Variants in PCDHGA2 observed in about 807,000 individuals in gnomAD.
PCDHGA2 encodes protocadherin gamma subfamily A, 2.
Under a neutral mutation model 59.2 loss-of-function variants are expected in PCDHGA2, and 40 were observed. That is an observed-to-expected ratio of 0.68 (90% confidence interval 0.52 to 0.88). PCDHGA2 has a LOEUF of 0.88. PCDHGA2 is among the 40% of genes least tolerant of loss of function. The pLI, the probability that PCDHGA2 is intolerant of heterozygous loss-of-function variation, is 0.00. For synonymous variants in PCDHGA2, 560 were observed against 526.0 expected (o/e 1.06, Z -0.89); for missense variants, 1,226 against 1,204.0 (o/e 1.02, Z -0.27).
intron 1 of PCDHGA2, among the ~76,000 whole-genome samples, chr5:141,401,018 G>C (rs2094104038): frequency 6.6e-6 from 1 of 152,108 alleles, no homozygotes; most frequent in Admixed American, 6.5e-5. Flanking sequence ...ATGGATTTAT[G>C]ATTTTTTGAA....
intron 1 of PCDHGA2, chr5:141,389,522 G>T (rs983186726): frequency 5.0e-6 from 8 of 1,613,060 alleles, no homozygotes; most frequent in Middle Eastern, 3.3e-4. Flanking sequence ...ACGTGAGCCT[G>T]CGCGTGTTAG....
intron 1 of PCDHGA2, among the ~76,000 whole-genome samples, chr5:141,469,492 T>C (rs1233507221): frequency 6.6e-6 from 1 of 152,038 alleles, no homozygotes; most frequent in Non-Finnish European, 1.5e-5. Flanking sequence ...GGAGAATCGC[T>C]TGAACCCGGG....
intron 1 of PCDHGA2, among the ~76,000 whole-genome samples, chr5:141,443,035 CTT>C (rs2098359592): frequency 6.6e-6 from 1 of 152,208 alleles, no homozygotes; most frequent in African/African-American, 2.4e-5. Context: ...CAGACCTAAA[CTT>C]TGAAAATTAT....
chr5:141,340,937 G>T lies in PCDHGA2; in HGVS notation c.1966G>T (p.Ala656Ser). The change falls in exon 1 of 4, where the codon GCC (alanine) becomes TCC (serine). Residue 656 changes from alanine (A) to serine (S), a missense_variant. Ala to Ser is a moderately conservative substitution (Grantham distance 99). Coordinates refer to ENST00000394576, the MANE Select transcript of PCDHGA2 (RefSeq NM_018915.4). ...GGACCACGGCCAGCCCCCTCTCTCC[G>T]CCACTGTCACGCTCACCGTGGCCGT... The part of the protein sequence containing the change: ...IQDHGQPPLS[A>S]TVTLTVAVAD... 1 of 1,613,692 alleles carries T rather than the reference G, an allele frequency of 6.2e-7. No homozygotes were observed. Among genetic ancestry groups the T allele is most frequent in the Non-Finnish European group, 8.5e-7 (1 of 1,179,818 alleles).
chr5:141,369,839 G>A (rs1482165947), intron 1 of PCDHGA2, among the ~76,000 whole-genome samples: 6 of 152,096 alleles, frequency 3.9e-5, no homozygotes, highest in Non-Finnish European at 7.4e-5. Context: ...GATTTTCTAT[G>A]TATTATTTTA....
In PCDHGA2 at chr5:141,450,548, G is replaced by A. The variant is rs186010209; in HGVS notation, c.2425-44259G>A. 3.3e-4 allele frequency among the ~76,000 whole-genome samples: 50 copies of A among 151,716 alleles called. 1 individual carries two copies. Among genetic ancestry groups the A allele is most frequent in the African/African-American group, 9.9e-4 (41 of 41,366 alleles). On this transcript the variant is annotated intron_variant, in intron 1 of 3. Transcript: ENST00000394576. ...GTCACCCAGGCTGGAATGCAGTGGC[G>A]CAGTCTCGGCTCACTGCAACTTCTG... is the stretch of plus-strand genomic sequence containing the variant.
In PCDHGA2 at chr5:141,341,346, C is replaced by T. The variant is rs1463463287; in HGVS notation, c.2375C>T (p.Ser792Leu). Reference protein sequence around the residue: ...QESCEKKDFLSAPQSLLEEER... With the variant: ...QESCEKKDFLLAPQSLLEEER... ...AGCTGTGAGAAAAAGGATTTTTTATCAGCGCCTCAATCTCTACTCGAAGAA... is the reference window on the plus strand; with the variant it reads ...AGCTGTGAGAAAAAGGATTTTTTATTAGCGCCTCAATCTCTACTCGAAGAA... Residue 792 changes from serine to leucine, a missense_variant, in exon 1 of 4, where the codon TCA (serine) becomes TTA (leucine). Physicochemically the swap from Ser to Leu is moderately radical, Grantham distance 145 (BLOSUM62 -2). Coordinates refer to ENST00000394576, the MANE Select transcript of PCDHGA2 (RefSeq NM_018915.4). 2 of 1,614,098 alleles carry T rather than the reference C, an allele frequency of 1.2e-6. No homozygotes were observed. Among genetic ancestry groups the T allele is most frequent in the African/African-American group, 1.3e-5 (1 of 74,926 alleles).
At chr5:141,348,033 C>T (rs1758053095) in intron 1 of PCDHGA2, among the ~76,000 whole-genome samples, 2 of 152,198 alleles carry the variant, frequency 1.3e-5, no homozygotes, top group Non-Finnish European at 2.9e-5. Flanking sequence ...TCTCTTCCAA[C>T]AATGGAATAG....
intron 1 of PCDHGA2, among the ~76,000 whole-genome samples, chr5:141,460,684 T>C (rs1417815686): frequency 6.6e-6 from 1 of 152,074 alleles, no homozygotes; most frequent in Non-Finnish European, 1.5e-5. Context: ...TATCTATATA[T>C]CCACCAACAG....
In PCDHGA2 at chr5:141,486,444, T is replaced by C. The variant is rs769032995; in HGVS notation, c.2425-8363T>C. 2 of 1,614,086 alleles carry C rather than the reference T, an allele frequency of 1.2e-6. No individual in the cohort carries two copies. On this transcript the variant is annotated intron_variant, in intron 1 of 3. Transcript: ENST00000394576. This position sits in a 1 kb window ranked among gnomAD's most constrained non-coding sequence, Gnocchi z 5.0. ...GAGGCCAAATCTAGCTATGACATCA[T>C]GGTCACTGCTTCTGATGCTGGGAAC...
At chr5:141,377,892 C>T (rs1387473486) in intron 1 of PCDHGA2, 1 of 152,170 alleles carries the variant, frequency 6.6e-6, no homozygotes, top group Non-Finnish European at 1.5e-5. Context: ...TAGGATCCCC[C>T]TCTGTTGCCC....
rs192411178 is a variant in PCDHGA2, at chr5:141,397,840, C to A, written c.2424+56445C>A. ...AATTACTGCACTGGTTAACTTGAAG[C>A]CGCAGAGGCTGTAGTTTCCTAGTGC... On this transcript the variant is annotated intron_variant, in intron 1 of 3. Transcript: ENST00000394576. 268 of 517,094 alleles carry A rather than the reference C, an allele frequency of 5.2e-4. 2 individuals carry two copies. Among genetic ancestry groups the A allele is most frequent in the African/African-American group, 4.6e-3 (241 of 51,950 alleles). The allele number at this position is 517,094 out of a possible 1,614,324, so 32.0% of individuals were successfully genotyped here. A position where few individuals can be genotyped will look rare whatever the true frequency, so the allele number is the denominator to read the frequency against.
intron 1 of PCDHGA2, among the ~76,000 whole-genome samples, chr5:141,460,983 GTATA>G (rs59296681): frequency 0.024 from 3,365 of 137,748 alleles, 55 homozygotes; most frequent in African/African-American, 0.035. Flanking sequence ...GTGTGTGTGT[GTATA>G]TATATATATG....
At chr5:141,382,833 C>T (rs1017641917) in intron 1 of PCDHGA2, 11 of 1,423,922 alleles carry the variant, frequency 7.7e-6, no homozygotes, top group South Asian at 1.4e-5. Flanking sequence ...GAGGGGTCCA[C>T]CCGGATACAC....
rs1403163275 is a variant in PCDHGA2 at position 141,441,708 on chromosome 5, A to T, written c.2425-53099A>T. ...AGAGCAGCCGCGAGCCTTCAAGCTC[A>T]CGCTGCAGGCCCGCGACCAGGACTA... On this transcript the variant is annotated intron_variant, in intron 1 of 3. Coordinates refer to ENST00000394576, the MANE Select transcript of PCDHGA2 (RefSeq NM_018915.4). 2.8e-5 allele frequency: 9 copies of T among 319,492 alleles called. No homozygotes were observed. In the East Asian group the frequency reaches 1.0e-3, roughly 37 times the overall value. 19.8% of individuals were successfully genotyped at this position (319,492 alleles called of 1,614,324 possible).
intron 1 of PCDHGA2, chr5:141,346,241 C>T: frequency 2.5e-6 from 4 of 1,614,198 alleles, no homozygotes; most frequent in South Asian, 1.1e-5. Flanking sequence ...CGAGTACGCC[C>T]GGCTCGCACT....
At chr5:141,405,804 C>T (rs1277295024) in intron 1 of PCDHGA2, among the ~76,000 whole-genome samples, 1 of 146,338 alleles carries the variant, frequency 6.8e-6, no homozygotes, top group Non-Finnish European at 1.5e-5. Context: ...AGTTAGCTTT[C>T]TCTTTAACTG....
At position 141,487,488 on chromosome 5, in the gene PCDHGA2, G is replaced by A; in HGVS notation, c.2425-7319G>A. ...GATGTGGGAGGCCACTCTCATGGCT[G>A]TACACCCTTGGCTTCTGCACCCACT... On this transcript the variant is annotated intron_variant, in intron 1 of 3. Transcript: ENST00000394576. This position sits in a 1 kb window ranked among gnomAD's most constrained non-coding sequence, Gnocchi z 5.0. The A allele has an allele frequency of 6.2e-7, 1 of 1,614,204 alleles. No homozygotes were observed. The highest frequency in any genetic ancestry group is 8.5e-7 in the Non-Finnish European group (1 of 1,180,038).
rs772841329 is a variant in PCDHGA2 at position 141,360,603 on chromosome 5, A to C, written c.2424+19208A>C. ...CAGGTACAACATTTCCACTTGACCC[A>C]GCCCTGGATTCAGATGTTGGTCCTA... On this transcript the variant is annotated intron_variant, in intron 1 of 3. Coordinates refer to ENST00000394576, the MANE Select transcript of PCDHGA2 (RefSeq NM_018915.4). The C allele has an allele frequency of 5.6e-6, 9 of 1,614,056 alleles. No homozygotes were observed. The East Asian group carries it at 2.0e-4, about 36-fold the overall frequency.
Sources: gnomAD v4.1 joint callset for allele counts (sites outside exome capture counted in the v4.1 genomes callset) on GRCh38, gnomAD v4.1.1 for gene constraint, Gnocchi (gnomAD v3.1) non-coding constraint, MANE v1.5 for transcripts, NCBI Gene and HGNC (gene_info 2026-07-23, HGNC 2026-07-21) for gene names.